Variants in CHST9 observed in about 807,000 individuals in gnomAD.
CHST9 encodes GalNAc-4-sulfotransferase 2.
Under a neutral mutation model 44.4 loss-of-function variants are expected in CHST9, and 41 were observed. The ratio of observed to expected loss-of-function variants is 0.92; its 90% CI spans 0.72 to 1.20. CHST9 has a LOEUF of 1.20. CHST9 is among the 50% of genes most tolerant of loss of function. The pLI is 0.00. For synonymous variants in CHST9, 171 were observed against 178.4 expected (o/e 0.96, Z 0.33); for missense variants, 504 against 516.5 (o/e 0.98, Z 0.23).
chr18:27,164,432 A>T (rs1306409747), intron 1 of CHST9, among the ~76,000 whole-genome samples: 1 of 151,970 alleles, frequency 6.6e-6, no homozygotes, highest in Non-Finnish European at 1.5e-5. Flanking sequence ...AAAAAAAAAG[A>T]TGGAAAATTG....
intron 4 of CHST9, among the ~76,000 whole-genome samples, chr18:27,016,250 C>T (rs1461336183): frequency 6.6e-6 from 1 of 152,178 alleles, no homozygotes; most frequent in Non-Finnish European, 1.5e-5. Context: ...TGAGCATAAC[C>T]AGCATGCTCA....
intron 1 of CHST9, among the ~76,000 whole-genome samples, chr18:27,167,077 A>G (rs901233281): frequency 6.6e-6 from 1 of 152,222 alleles, no homozygotes; most frequent in Non-Finnish European, 1.5e-5. Flanking sequence ...AGTAAGAGTG[A>G]CGCTTTCCTT....
At position 27,041,519 on chromosome 18, in the gene CHST9, T is replaced by A. The variant is rs552155273; in HGVS notation, c.160+6946A>T. On this transcript the variant is annotated intron_variant, in intron 3 of 5. Transcript: ENST00000618847. ...CCACCTAAAGAAAGCATGTTTCCAG[T>A]CTCAACTGTGAGCAAATAAATCCTG... Among the ~76,000 whole-genome samples the A allele has an allele frequency of 1.7e-3, 264 of 152,236 alleles. 2 individuals carry two copies. The highest frequency in any genetic ancestry group is 5.8e-3 in the African/African-American group (241 of 41,566).
At chr18:27,180,592 C>T (rs1598784758) in intron 1 of CHST9, among the ~76,000 whole-genome samples, 2 of 152,064 alleles carry the variant, frequency 1.3e-5, no homozygotes, top group African/African-American at 2.4e-5. Flanking sequence ...AGTTAACTCC[C>T]CTACCTAACT....
intron 4 of CHST9, among the ~76,000 whole-genome samples, chr18:26,987,587 A>G (rs1192348632): frequency 5.3e-5 from 8 of 152,160 alleles, no homozygotes; most frequent in African/African-American, 1.7e-4. Context: ...GGTGGGGAAA[A>G]TGGAAGTATT....
intron 4 of CHST9, among the ~76,000 whole-genome samples, chr18:26,996,178 C>T (rs778828993): frequency 1.3e-5 from 2 of 152,146 alleles, no homozygotes; most frequent in Non-Finnish European, 2.9e-5. Flanking sequence ...CAGGGTAGTC[C>T]GTCATGCACC....
Position 27,154,395 on chromosome 18 carries a change from T to C in CHST9, c.-96-11490A>G, listed in dbSNP as rs117974563. Among the ~76,000 whole-genome samples, 23 of 152,226 alleles carry C rather than the reference T, an allele frequency of 1.5e-4. No homozygotes were observed. In the East Asian group the frequency reaches 4.5e-3, roughly 30 times the overall value. On this transcript the variant is annotated intron_variant, in intron 1 of 5. Coordinates refer to ENST00000618847, the MANE Select transcript of CHST9 (RefSeq NM_031422.6). ...GTAAGAGGTATGGGTGGAGACAGAC[T>C]GCAGAGGGCCTTGGTGTCTAAATTA...
At chr18:26,950,113 T>A (rs562693623) in intron 4 of CHST9, among the ~76,000 whole-genome samples, 2 of 152,318 alleles carry the variant, frequency 1.3e-5, no homozygotes, top group East Asian at 3.9e-4. Context: ...AGGAAATGAA[T>A]TCAAACAAGT....
intron 5 of CHST9, among the ~76,000 whole-genome samples, chr18:26,943,846 C>G (rs374131227): frequency 1.3e-5 from 2 of 152,160 alleles, no homozygotes; most frequent in African/African-American, 2.4e-5. Context: ...TGCTGGCCAA[C>G]TGTGAGTAGA....
At chr18:26,979,558 T>C (rs2056666255) in intron 4 of CHST9, among the ~76,000 whole-genome samples, 1 of 152,138 alleles carries the variant, frequency 6.6e-6, no homozygotes, top group South Asian at 2.1e-4. Flanking sequence ...TGATTTGATT[T>C]ACAAGGCCTC....
chr18:26,937,683 C>T (rs149424), intron 5 of CHST9, among the ~76,000 whole-genome samples: 4,330 of 152,230 alleles, frequency 0.028, 88 homozygotes, highest in Admixed American at 0.059. Context: ...CGAACTAATT[C>T]GCCTCACTAA....
At chr18:27,003,465 C>T (rs1445808547) in intron 4 of CHST9, among the ~76,000 whole-genome samples, 1 of 152,140 alleles carries the variant, frequency 6.6e-6, no homozygotes, top group African/African-American at 2.4e-5. Context: ...GGGCATGGAC[C>T]TGGTAAATTG....
intron 1 of CHST9, among the ~76,000 whole-genome samples, chr18:27,165,020 A>C (rs922631527): frequency 6.6e-6 from 1 of 152,218 alleles, no homozygotes; most frequent in Non-Finnish European, 1.5e-5. Flanking sequence ...GGGATGCAGA[A>C]ACCTGATCTG....
chr18:27,116,734 A>C (rs1033001945), intron 2 of CHST9, among the ~76,000 whole-genome samples: 7 of 152,146 alleles, frequency 4.6e-5, no homozygotes, highest in African/African-American at 1.7e-4. Context: ...TGATCATTAG[A>C]TATCTTTCCA....
intron 1 of CHST9, among the ~76,000 whole-genome samples, chr18:27,150,595 G>C (rs2058651908): frequency 6.6e-6 from 1 of 152,072 alleles, no homozygotes; most frequent in Non-Finnish European, 1.5e-5. Flanking sequence ...TTCTGTTCTT[G>C]ATTTTGAGTC....
intron 2 of CHST9, among the ~76,000 whole-genome samples, chr18:27,061,369 C>A (rs576315980): frequency 5.3e-5 from 8 of 152,190 alleles, no homozygotes; most frequent in Non-Finnish European, 1.0e-4. Flanking sequence ...GGAATAAAAT[C>A]TAAAGGAAAG....
chr18:26,928,066 T>C (rs1157656899), intron 5 of CHST9, among the ~76,000 whole-genome samples: 1 of 152,200 alleles, frequency 6.6e-6, no homozygotes, highest in Non-Finnish European at 1.5e-5. Context: ...CCATTAAACG[T>C]TGAGTCGACA....
intron 2 of CHST9, among the ~76,000 whole-genome samples, chr18:27,129,065 G>T (rs1235161337): frequency 6.6e-6 from 1 of 152,140 alleles, no homozygotes; most frequent in East Asian, 1.9e-4. Context: ...AGTAAGAAAT[G>T]AAGCTAAAAG....
Position 26,914,172 on chromosome 18 carries a change from T to C in CHST9, c.*2087A>G, listed in dbSNP as rs1343028123. On this transcript the variant is annotated 3_prime_UTR_variant, in exon 6 of 6. Coordinates refer to ENST00000618847, the MANE Select transcript of CHST9 (RefSeq NM_031422.6). ...CTCCACCATCAAAGCCAAACATTTATATAGGTATGCATTCCACCCTGCCCA... is the reference window on the plus strand; with the variant it reads ...CTCCACCATCAAAGCCAAACATTTACATAGGTATGCATTCCACCCTGCCCA... The C allele has an allele frequency of 6.6e-6, 1 of 152,220 alleles. No individual in the cohort carries two copies. The highest frequency in any genetic ancestry group is 2.4e-5 in the African/African-American group (1 of 41,452). 9.4% of individuals were successfully genotyped at this position (152,220 alleles called of 1,614,324 possible).
Sources: allele counts gnomAD v4.1 joint callset (sites outside exome capture counted in the v4.1 genomes callset), GRCh38; gene constraint gnomAD v4.1.1; transcripts MANE v1.5; gene names NCBI Gene and HGNC (gene_info 2026-07-23, HGNC 2026-07-21).